Variants in GPD2 observed in about 807,000 individuals in gnomAD.
GPD2 encodes glycerol-3-phosphate dehydrogenase, mitochondrial.
Under a neutral mutation model 82.4 loss-of-function variants are expected in GPD2, and 54 were observed. The ratio of observed to expected loss-of-function variants is 0.66; its 90% CI spans 0.53 to 0.82. The LOEUF (loss-of-function observed/expected upper bound fraction) is 0.82, where lower values mean the gene tolerates loss of function less well. Among genes scored for constraint, GPD2 ranks in the 40% least tolerant of loss-of-function variants. The probability of loss-of-function intolerance (pLI) is 0.00; values close to 1 mark genes in which losing one functional copy is unlikely to be tolerated. For synonymous variants in GPD2, 288 were observed against 306.1 expected, an observed-to-expected ratio of 0.94 and a Z score of 0.62; for missense variants, 748 against 896.2, an observed-to-expected ratio of 0.83 and a Z score of 2.11.
At chr2:156,420,961 T>C in the GPD2 span, among the ~76,000 whole-genome samples, 1 of 152,252 alleles carries the variant, frequency 6.6e-6, no homozygotes, top group African/African-American at 2.4e-5. Context: ...TGTTTTTACC[T>C]TGTTGAATCT....
chr2:156,574,527 C>G (rs988441830), intron 13 of GPD2, among the ~76,000 whole-genome samples: 1 of 151,980 alleles, frequency 6.6e-6, no homozygotes, highest in Admixed American at 6.6e-5. Flanking sequence ...GACAAAAGAT[C>G]CATTTTTCAT....
intron 2 of GPD2, among the ~76,000 whole-genome samples, chr2:156,482,619 A>G (rs954161164): frequency 3.3e-5 from 5 of 152,194 alleles, no homozygotes; most frequent in African/African-American, 1.2e-4. Flanking sequence ...ATGGAATGCA[A>G]TTAAACTAAT....
chr2:156,458,022 C>G (rs1682846569), intron 1 of GPD2, among the ~76,000 whole-genome samples: 1 of 152,238 alleles, frequency 6.6e-6, no homozygotes, highest in Non-Finnish European at 1.5e-5. Flanking sequence ...GTCTCCTACA[C>G]TGGCTGCCTC....
At chr2:156,416,082 A>G in the GPD2 span, among the ~76,000 whole-genome samples, 3 of 151,732 alleles carry the variant, frequency 2.0e-5, no homozygotes, top group Admixed American at 6.6e-5. Flanking sequence ...AGTCTCATCC[A>G]GGTCTCTGCA....
intron 2 of GPD2, among the ~76,000 whole-genome samples, chr2:156,485,155 T>C (rs911887592): frequency 6.6e-6 from 1 of 152,250 alleles, no homozygotes; most frequent in African/African-American, 2.4e-5. Context: ...ATTTCTTTAT[T>C]CATCCATCTG....
chr2:156,546,334 T>C (rs976400828), intron 6 of GPD2, among the ~76,000 whole-genome samples: 1 of 152,190 alleles, frequency 6.6e-6, no homozygotes, highest in Non-Finnish European at 1.5e-5. Context: ...CACATTCCAA[T>C]GGCATGCAGT....
intron 9 of GPD2, among the ~76,000 whole-genome samples, chr2:156,558,592 T>TTTTTG (rs527725690): frequency 1.7e-4 from 26 of 151,894 alleles, no homozygotes; most frequent in African/African-American, 3.1e-4. Flanking sequence ...AACATAAAGC[T>TTTTTG]TTTTGTTTTG....
chr2:156,467,725 A>G (rs1683196684), intron 1 of GPD2, among the ~76,000 whole-genome samples: 1 of 152,248 alleles, frequency 6.6e-6, no homozygotes, highest in South Asian at 2.1e-4. Flanking sequence ...TTTTAAAAGC[A>G]ACAACAACAA....
chr2:156,456,529 G>A (rs888394724), intron 1 of GPD2, among the ~76,000 whole-genome samples: 1 of 151,954 alleles, frequency 6.6e-6, no homozygotes, highest in Non-Finnish European at 1.5e-5. Context: ...CTTGAACTTG[G>A]AAGGTGGAGG....
upstream of GPD2, among the ~76,000 whole-genome samples, chr2:156,434,606 C>T (rs1688372017): frequency 1.3e-5 from 2 of 152,150 alleles, no homozygotes; most frequent in African/African-American, 2.4e-5. Context: ...GGGGGTGCAA[C>T]TTATGTCCCA....
At chr2:156,521,065 C>G (rs1245620259) in intron 6 of GPD2, among the ~76,000 whole-genome samples, 2 of 151,712 alleles carry the variant, frequency 1.3e-5, no homozygotes, top group Non-Finnish European at 2.9e-5. Flanking sequence ...GGTATATGTA[C>G]AAAAAGTTCA....
upstream of GPD2, among the ~76,000 whole-genome samples, chr2:156,432,729 A>G (rs1688331591): frequency 6.6e-6 from 1 of 152,186 alleles, no homozygotes; most frequent in African/African-American, 2.4e-5. Context: ...ACAGTTTCCT[A>G]TTTATTTTAT....
At chr2:156,416,514 G>GTTTTTTTTTT in the GPD2 span, among the ~76,000 whole-genome samples, 1 of 117,926 alleles carries the variant, frequency 8.5e-6, no homozygotes, top group Non-Finnish European at 1.8e-5. Flanking sequence ...TGCCCAGCTA[G>GTTTTTTTTTT]TTTTTTTTTT....
intron 6 of GPD2, 90 bp from the exon 7 acceptor site, chr2:156,549,518 T>C: frequency 9.1e-7 from 1 of 1,101,206 alleles, no homozygotes; most frequent in Non-Finnish European, 1.4e-6. Context: ...CAGGGACAGA[T>C]GTGACATATC....
chr2:156,404,149 A>G, the GPD2 span, among the ~76,000 whole-genome samples: 6 of 152,050 alleles, frequency 3.9e-5, no homozygotes, highest in African/African-American at 9.7e-5. Flanking sequence ...AGAAGGATCA[A>G]CTGAGGCCAG....
At chr2:156,541,640 C>T (rs1395614919) in intron 6 of GPD2, among the ~76,000 whole-genome samples, 2 of 152,100 alleles carry the variant, frequency 1.3e-5, no homozygotes, top group African/African-American at 4.8e-5. Flanking sequence ...GAAGGTTTAT[C>T]AATGAATTTA....
chr2:156,401,609 A>T, the GPD2 span, among the ~76,000 whole-genome samples: 2 of 152,234 alleles, frequency 1.3e-5, no homozygotes, highest in Non-Finnish European at 2.9e-5. Context: ...TTGGGAACAG[A>T]GGCAAAGAAA....
At chr2:156,520,289 G>A (rs1053296021) in intron 6 of GPD2, among the ~76,000 whole-genome samples, 2 of 152,260 alleles carry the variant, frequency 1.3e-5, no homozygotes, top group Admixed American at 6.5e-5. Flanking sequence ...CATGGGCCCA[G>A]GCTTGTGGAT....
At chr2:156,424,168 G>A in the GPD2 span, among the ~76,000 whole-genome samples, 1 of 148,746 alleles carries the variant, frequency 6.7e-6, no homozygotes, top group Admixed American at 6.9e-5. Context: ...GAAGGACTCA[G>A]GTTACCTTCA....
Sources: gnomAD v4.1 joint callset for allele counts (sites outside exome capture counted in the v4.1 genomes callset) on GRCh38, gnomAD v4.1.1 for gene constraint, MANE v1.5 for transcripts, NCBI Gene and HGNC (gene_info 2026-07-23, HGNC 2026-07-21) for gene names.